UBE2O: variants seen among roughly 807,000 people sequenced by gnomAD.
The protein encoded by UBE2O is ubiquitin conjugating enzyme E2 O.
UBE2O carries 15 observed loss-of-function variants against 125.8 expected under a neutral mutation model. The observed-to-expected ratio is 0.12, with a 90% CI of 0.08 to 0.18. The LOEUF is 0.18. Ranked by LOEUF, UBE2O falls within the 10% of genes least tolerant of loss-of-function variation. The pLI is 1.00. For synonymous variants in UBE2O, 708 were observed against 703.2 expected, an observed-to-expected ratio of 1.01 and a Z score of -0.11; for missense variants, 1,280 against 1,723.6, an observed-to-expected ratio of 0.74 and a Z score of 4.56.
Position 76,399,730 on chromosome 17 carries a change from A to G in UBE2O, c.1347T>C (p.Gly449=). The change falls in exon 9 of 18, where the codon GGT becomes GGC. Residue 449 remains glycine (G), a synonymous_variant. Transcript: ENST00000319380. The surrounding 1 kb of genome is among the most constrained non-coding windows in gnomAD (Gnocchi z 6.9). ...CTCCTGCCTCGTGGGGCTCCTCTGC[A>G]CCCTCGTCCTGCATCTCCACTGGAC... is the stretch of plus-strand genomic sequence containing the variant. ...SASPVEMQDE[G]AEEPHEAGEQ... is the part of the protein sequence containing the mutation. 1 of 1,613,858 alleles carries G rather than the reference A, an allele frequency of 6.2e-7. No homozygotes were observed. Among genetic ancestry groups the G allele is most frequent in the South Asian group, 1.1e-5 (1 of 91,064 alleles).
In UBE2O at chr17:76,390,965, G is replaced by A. The variant is rs763093268; in HGVS notation, c.3857C>T (p.Pro1286Leu). 1.4e-5 allele frequency: 22 copies of A among 1,610,550 alleles called. No individual in the cohort carries two copies. The highest frequency in any genetic ancestry group is 4.0e-5 in the African/African-American group (3 of 74,882). The change falls in exon 18 of 18, where the codon CCG becomes CTG. Residue 1286 changes from proline (P) to leucine (L), a missense_variant. This residue lies in a region of UBE2O where 233 missense variants were observed against 279.0 expected (regional missense o/e 0.84). Transcript: ENST00000319380. ...CAGCTACTTGTCCTCTGTGCACTCC[G>A]GCATGCCTGCCTCTAGCAGGGCAGC... is the stretch of plus-strand genomic sequence containing the variant. ...FRAALLEAGM[P>L]ECTEDK
chr17:76,415,099 G>A (rs536133065), intron 1 of UBE2O, among the ~76,000 whole-genome samples: 53 of 152,264 alleles, frequency 3.5e-4, no homozygotes, highest in Admixed American at 2.5e-3. Flanking sequence ...GACAGGCTGC[G>A]GTCCTGTGGC....
intron 1 of UBE2O, among the ~76,000 whole-genome samples, chr17:76,428,569 A>T (rs575255663): frequency 6.6e-6 from 1 of 152,266 alleles, no homozygotes; most frequent in Non-Finnish European, 1.5e-5. Flanking sequence ...TCCTACCTGA[A>T]TCAGCTCTGA....
chr17:76,400,201 G>C lies in UBE2O; in HGVS notation c.1101C>G (p.Ala367=). ...CGCAGTTTTTTTCTGGACATTCCCA[G>C]GCAATCTTGGCTGGCTCTACCTTGG... ...FPAKVEPAKI[A]WECPEKNCAQ... Residue 367 remains alanine (A), a synonymous_variant, in exon 8 of 18, where the codon GCC becomes GCG. Transcript: ENST00000319380. The surrounding 1 kb of genome is among the most constrained non-coding windows in gnomAD (Gnocchi z 4.3). The C allele has an allele frequency of 1.2e-6, 2 of 1,614,106 alleles. No homozygotes were observed. The highest frequency in any genetic ancestry group is 1.7e-6 in the Non-Finnish European group (2 of 1,180,014).
In UBE2O at chr17:76,395,639, A is replaced by G. The variant is rs1420339942; in HGVS notation, c.2946+86T>C. 8.0e-6 allele frequency: 12 copies of G among 1,505,616 alleles called. No homozygotes were observed. Among genetic ancestry groups the G allele is most frequent in the Middle Eastern group, 2.0e-4 (1 of 4,976 alleles). The allele number at this position is 1,505,616 out of a possible 1,614,324, so 93.3% of individuals were successfully genotyped here. A position where few individuals can be genotyped will look rare whatever the true frequency, so the allele number is the denominator to read the frequency against. ...CCTCGCAGGTGCCAGTCAGCCCCGG[A>G]GGTTTGGGGACCCAAGGTTGGTGGC... On this transcript the variant is annotated intron_variant, in intron 15 of 17. Coordinates refer to ENST00000319380, the MANE Select transcript of UBE2O (RefSeq NM_022066.4). This position sits in a 1 kb window ranked among gnomAD's most constrained non-coding sequence, Gnocchi z 5.0.
rs143098527 is a variant in UBE2O at position 76,426,363 on chromosome 17, T to C, written c.418-20791A>G. 1.9e-3 allele frequency among the ~76,000 whole-genome samples: 285 copies of C among 152,352 alleles called. 1 individual carries two copies. Among genetic ancestry groups the C allele is most frequent in the Non-Finnish European group, 3.0e-3 (207 of 68,030 alleles). ...CTGGATACGGAATTCTCTCAGAATG[T>C]TGCAGGATTTGCTCTGCTGTCTTCC... On this transcript the variant is annotated intron_variant, in intron 1 of 17. Transcript: ENST00000319380.
Position 76,399,285 on chromosome 17 carries a change from C to T in UBE2O, c.1628+164G>A. ...CCACTCCTCAGTCTCTGCTTTCCAC[C>T]AGGGCCTACCCCAGGCACCTACGTT... On this transcript the variant is annotated intron_variant, in intron 9 of 17. Transcript: ENST00000319380. This position sits in a 1 kb window ranked among gnomAD's most constrained non-coding sequence, Gnocchi z 6.9. 1.3e-6 allele frequency: 1 copy of T among 788,502 alleles called. No homozygotes were observed. Among genetic ancestry groups the T allele is most frequent in the Non-Finnish European group, 2.0e-6 (1 of 497,656 alleles). The allele number at this position is 788,502 out of a possible 1,614,324, so 48.8% of individuals were successfully genotyped here.
chr17:76,442,874 A>T (rs1449087853), intron 1 of UBE2O, among the ~76,000 whole-genome samples: 1 of 152,190 alleles, frequency 6.6e-6, no homozygotes, highest in Non-Finnish European at 1.5e-5. Context: ...CAGTGCAGGC[A>T]TGAGGCAAGC....
Position 76,398,812 on chromosome 17 carries a change from G to T in UBE2O, c.1783+25C>A. 6.2e-7 allele frequency: 1 copy of T among 1,609,376 alleles called. No individual in the cohort carries two copies. Among genetic ancestry groups the T allele is most frequent in the Non-Finnish European group, 8.5e-7 (1 of 1,177,270 alleles). ...GCCCTCATTGGCGACCACCCTGCTG[G>T]CTGCCCTTCCAGAGCTGGCACTACC... On this transcript the variant is annotated intron_variant, in intron 10 of 17. Coordinates refer to ENST00000319380, the MANE Select transcript of UBE2O (RefSeq NM_022066.4). The surrounding 1 kb of genome is among the most constrained non-coding windows in gnomAD (Gnocchi z 5.4).
Position 76,399,968 on chromosome 17 carries a change from C to A in UBE2O, c.1156-47G>T, listed in dbSNP as rs1286163441. On this transcript the variant is annotated intron_variant, in intron 8 of 17. Transcript: ENST00000319380. The surrounding 1 kb of genome is among the most constrained non-coding windows in gnomAD (Gnocchi z 6.9). ...GACAGGGCTGTGAGGTGCACCTGGG[C>A]AGGCCTGGCCCTAGGCATCTCAGGC... 1 of 1,554,494 alleles carries A rather than the reference C, an allele frequency of 6.4e-7. No individual in the cohort carries two copies. The highest frequency in any genetic ancestry group is 1.9e-5 in the Admixed American group (1 of 53,212).
intron 1 of UBE2O, among the ~76,000 whole-genome samples, chr17:76,443,379 C>T (rs1311074677): frequency 6.6e-6 from 1 of 152,170 alleles, no homozygotes; most frequent in Non-Finnish European, 1.5e-5. Context: ...ACCTCTGCCT[C>T]CTGGGTTCAA....
At chr17:76,425,225 CAAAAAAA>C (rs58377572) in intron 1 of UBE2O, among the ~76,000 whole-genome samples, 323 of 95,102 alleles carry the variant, frequency 3.4e-3, no homozygotes, top group East Asian at 0.011. Flanking sequence ...GTCCTTTCGA[CAAAAAAA>C]AAAAAAAAAA....
rs1342895265 is a variant in UBE2O at position 76,453,105 on chromosome 17, C to G, written c.37G>C (p.Ala13Pro). The G allele has an allele frequency of 1.1e-6, 1 of 878,684 alleles. No individual in the cohort carries two copies. Among genetic ancestry groups the G allele is most frequent in the Non-Finnish European group, 1.6e-6 (1 of 640,518 alleles). 54.4% of individuals were successfully genotyped at this position (878,684 alleles called of 1,614,324 possible). ...GCTGGAGCCGGGGCCTGGGCTGGAG[C>G]GGGAGCTGCGGGCGTGGGGGCTGCG... ...DPAAPTPAAP[A>P]PAQAPAPAPE... Residue 13 changes from alanine to proline, a missense_variant, in exon 1 of 18, where the codon GCT becomes CCT. This residue lies in a region of UBE2O where 188 missense variants were observed against 192.5 expected (regional missense o/e 0.98). Transcript: ENST00000319380.
In UBE2O at chr17:76,399,492, T is replaced by C. The variant is rs1567833713; in HGVS notation, c.1585A>G (p.Arg529Gly). ...TCTCGAGTGATTTTATTCTTCTTCC[T>C]CTTGTGTTTGCGCTTTAAGTTCTTG... ...SIKNLKRKHK[R>G]KKNKITRDFK... Residue 529 changes from arginine (R) to glycine (G), a missense_variant, in exon 9 of 18, where the codon AGG becomes GGG. Transcript: ENST00000319380. The surrounding 1 kb of genome is among the most constrained non-coding windows in gnomAD (Gnocchi z 6.9). The C allele has an allele frequency of 3.7e-6, 6 of 1,614,186 alleles. No individual in the cohort carries two copies. The highest frequency in any genetic ancestry group is 5.1e-6 in the Non-Finnish European group (6 of 1,180,028).
In UBE2O at chr17:76,404,378, G is replaced by A. The variant is rs1436774682; in HGVS notation, c.588+828C>T. Among the ~76,000 whole-genome samples the A allele has an allele frequency of 2.0e-5, 3 of 152,192 alleles. No homozygotes were observed. The highest frequency in any genetic ancestry group is 3.8e-4 in the East Asian group (2 of 5,198). On this transcript the variant is annotated intron_variant, in intron 3 of 17. Transcript: ENST00000319380. The surrounding 1 kb of genome is among the most constrained non-coding windows in gnomAD (Gnocchi z 4.3). ...TCTGCGGCGGGCCTGCCAAGAACACGTGGGCATGAGGCAACACCAGGAAGA... is the reference window on the plus strand; with the variant it reads ...TCTGCGGCGGGCCTGCCAAGAACACATGGGCATGAGGCAACACCAGGAAGA...
rs767924848 is a variant in UBE2O, at chr17:76,397,810, T to C, written c.2104A>G (p.Ile702Val). 2.5e-6 allele frequency: 4 copies of C among 1,614,036 alleles called. No homozygotes were observed. The highest frequency in any genetic ancestry group is 3.4e-6 in the Non-Finnish European group (4 of 1,180,028). The change falls in exon 13 of 18, where the codon ATC becomes GTC. Residue 702 changes from isoleucine (I) to valine (V), a missense_variant. This residue lies in a region of UBE2O where 210 missense variants were observed against 268.9 expected (regional missense o/e 0.78). Coordinates refer to ENST00000319380, the MANE Select transcript of UBE2O (RefSeq NM_022066.4). ...VVWADNSKTI[I>V]LPQHLYNIES... ...TGCCAGAGCCTCACCTGGGGCAGGATGATGGTCTTTGAGTTGTCAGCCCAC... is the reference window on the plus strand; with the variant it reads ...TGCCAGAGCCTCACCTGGGGCAGGACGATGGTCTTTGAGTTGTCAGCCCAC...
At chr17:76,392,473 T>C (rs1171926775) in intron 15 of UBE2O, among the ~76,000 whole-genome samples, 1 of 152,004 alleles carries the variant, frequency 6.6e-6, no homozygotes, top group Non-Finnish European at 1.5e-5. Flanking sequence ...CTATGTTGCC[T>C]AGGTTGGTCT....
chr17:76,450,993 A>G (rs1177346878), intron 1 of UBE2O, among the ~76,000 whole-genome samples: 7 of 152,224 alleles, frequency 4.6e-5, no homozygotes, highest in Non-Finnish European at 7.3e-5. Context: ...GCAGGAGGCA[A>G]ACGGAGCATA....
At chr17:76,393,054 G>A (rs771039801) in intron 15 of UBE2O, among the ~76,000 whole-genome samples, 23 of 151,740 alleles carry the variant, frequency 1.5e-4, no homozygotes, top group Middle Eastern at 3.4e-3. Flanking sequence ...AGGCCAGGAG[G>A]TCAAAACCAA....
Sources: allele counts gnomAD v4.1 joint callset (sites outside exome capture counted in the v4.1 genomes callset), GRCh38; gene constraint gnomAD v4.1.1; regional missense constraint gnomAD v4.1.1; non-coding constraint Gnocchi (gnomAD v3.1); transcripts MANE v1.5; gene names NCBI Gene and HGNC (gene_info 2026-07-23, HGNC 2026-07-21).